The following FAP variants were observed in gnomAD, a reference collection of about 807,000 sequenced individuals.
The protein encoded by FAP is prolyl endopeptidase FAP.
FAP carries 110 observed loss-of-function variants against 126.5 expected under a neutral mutation model. The observed-to-expected ratio is 0.87, with a 90% CI of 0.74 to 1.02. FAP has a LOEUF of 1.02. Among genes scored for constraint, FAP ranks in the 50% least tolerant of loss-of-function variants. FAP has a pLI of 0.00. For synonymous variants in FAP, 334 were observed against 297.3 expected, an observed-to-expected ratio of 1.12 and a Z score of -1.27; for missense variants, 919 against 909.2, an observed-to-expected ratio of 1.01 and a Z score of -0.14.
At chr2:162,190,395 T>TACAC (rs561098256) in intron 17 of FAP, among the ~76,000 whole-genome samples, 12 of 150,296 alleles carry the variant, frequency 8.0e-5, no homozygotes, top group African/African-American at 2.2e-4. Flanking sequence ...ATATTGTGTA[T>TACAC]ACACACACAC....
chr2:162,240,424 G>A (rs78213063), intron 2 of FAP, among the ~76,000 whole-genome samples: 1,831 of 152,070 alleles, frequency 0.012, 16 homozygotes, highest in Non-Finnish European at 0.018. Flanking sequence ...TCCTTTAGAC[G>A]TGATGTGAAA....
chr2:162,181,191 C>T (rs778263295), intron 21 of FAP, among the ~76,000 whole-genome samples: 22 of 151,878 alleles, frequency 1.4e-4, no homozygotes, highest in Non-Finnish European at 2.8e-4. Flanking sequence ...GCGGGAGAAT[C>T]GCTTGAACCT....
At chr2:162,235,977 G>A (rs1690113498) in intron 2 of FAP, among the ~76,000 whole-genome samples, 1 of 152,146 alleles carries the variant, frequency 6.6e-6, no homozygotes. Context: ...TAAGGTTGGG[G>A]AATTCCTTCT....
rs768512146 is a variant in FAP at position 162,224,461 on chromosome 2, G to C, written c.360+5C>G. 1 of 1,552,754 alleles carries C rather than the reference G, an allele frequency of 6.4e-7. No individual in the cohort carries two copies. The highest frequency in any genetic ancestry group is 1.9e-5 in the Admixed American group (1 of 52,400). On this transcript the variant is annotated splice_donor_5th_base_variant and intron_variant, in intron 5 of 25. Transcript: ENST00000188790. ...TTGGATATAACCAAATTAAATAGTT[G>C]ATACCTTTGAATAATCACTTTCTAG... is the stretch of plus-strand genomic sequence containing the variant.
At chr2:162,215,702 C>T (rs895007896) in intron 10 of FAP, among the ~76,000 whole-genome samples, 196 bp downstream of exon 10, 6 of 152,138 alleles carry the variant, frequency 3.9e-5, no homozygotes, top group Non-Finnish European at 4.4e-5. Flanking sequence ...GATTGATCAC[C>T]GAGGTCACGT....
chr2:162,202,888 C>T lies in FAP; in HGVS notation c.1207G>A (p.Val403Ile), dbSNP rs970627591. The T allele has an allele frequency of 1.2e-6, 2 of 1,613,552 alleles. No individual in the cohort carries two copies. Among genetic ancestry groups the T allele is most frequent in the Non-Finnish European group, 8.5e-7 (1 of 1,179,546 alleles). The change falls in exon 14 of 26, where the codon GTA becomes ATA. Residue 403 changes from valine to isoleucine, a missense_variant. By Grantham distance (29) the Val-to-Ile change is conservative. Coordinates refer to ENST00000188790, the MANE Select transcript of FAP (RefSeq NM_004460.5). Reference sequence around the variant, plus strand: ...AATACTTACAGTGAATCCTGTGTTACTCTGAATATATTTATGGCCTCCCAC... The same window carrying T: ...AATACTTACAGTGAATCCTGTGTTATTCTGAATATATTTATGGCCTCCCAC... ...GKWEAINIFR[V>I]TQDSLFYSSN...
rs781520588 is a variant in FAP, at chr2:162,194,752, T to C, written c.1403-4A>G. The C allele has an allele frequency of 1.8e-5, 29 of 1,613,336 alleles. No individual in the cohort carries two copies. The highest frequency in any genetic ancestry group is 2.4e-5 in the Non-Finnish European group (28 of 1,179,552). On this transcript the variant is annotated splice_polypyrimidine_tract_variant and splice_region_variant and intron_variant, in intron 16 of 25. Transcript: ENST00000188790. Reference sequence around the variant, plus strand: ...GTGGAAATGGGGATGCCTGGGCCTGTGGGCAGGATGAAAACAAAATCATGG... The same window carrying C: ...GTGGAAATGGGGATGCCTGGGCCTGCGGGCAGGATGAAAACAAAATCATGG...
intron 20 of FAP, among the ~76,000 whole-genome samples, chr2:162,186,903 C>G (rs1420958084): frequency 6.6e-6 from 1 of 152,022 alleles, no homozygotes; most frequent in Non-Finnish European, 1.5e-5. Flanking sequence ...ACTATCTCCT[C>G]CAAACAAGTG....
chr2:162,220,166 A>G (rs190666375), intron 6 of FAP, among the ~76,000 whole-genome samples: 1 of 152,342 alleles, frequency 6.6e-6, no homozygotes, highest in African/African-American at 2.4e-5. Context: ...TCTGACCTTT[A>G]TAGTGAGGTG....
chr2:162,198,986 A>C, intron 15 of FAP, 105 bp from the exon 16 acceptor site: 1 of 931,352 alleles, frequency 1.1e-6, no homozygotes, highest in Non-Finnish European at 1.6e-6. Flanking sequence ...CATCAAACCC[A>C]CTCTATTTTT....
At chr2:162,222,629 A>G (rs1576186324) in intron 6 of FAP, among the ~76,000 whole-genome samples, 2 of 152,226 alleles carry the variant, frequency 1.3e-5, no homozygotes, top group African/African-American at 4.8e-5. Flanking sequence ...TATTAAGATG[A>G]GTAGCTAAGG....
chr2:162,194,740 T>A lies in FAP; in HGVS notation c.1411A>T (p.Ile471Phe). 6.2e-7 allele frequency: 1 copy of A among 1,613,644 alleles called. No homozygotes were observed. Among genetic ancestry groups the A allele is most frequent in the African/African-American group, 1.3e-5 (1 of 75,018 alleles). The change falls in exon 17 of 26, where the codon ATC (isoleucine) becomes TTC (phenylalanine). Residue 471 changes from isoleucine (I) to phenylalanine (F), a missense_variant. Ile to Phe is a conservative substitution (Grantham distance 21). Transcript: ENST00000188790. ...CCATCATGAAGGGTGGAAATGGGGA[T>A]GCCTGGGCCTGTGGGCAGGATGAAA... The part of the protein sequence containing the change: ...YYALVCYGPG[I>F]PISTLHDGRT...
At chr2:162,222,048 A>G (rs1301563261) in intron 6 of FAP, among the ~76,000 whole-genome samples, 5 of 152,180 alleles carry the variant, frequency 3.3e-5, no homozygotes, top group Non-Finnish European at 5.9e-5. Context: ...TTCACTGCAG[A>G]GAATCTAAAT....
intron 12 of FAP, among the ~76,000 whole-genome samples, chr2:162,207,978 C>G (rs1055801671): frequency 1.1e-4 from 16 of 151,808 alleles, no homozygotes; most frequent in African/African-American, 3.6e-4. Flanking sequence ...TACAGCTGGG[C>G]CAGGGGCGGT....
intron 12 of FAP, among the ~76,000 whole-genome samples, chr2:162,205,671 C>T (rs1157707196): frequency 2.0e-5 from 3 of 151,962 alleles, no homozygotes; most frequent in African/African-American, 7.3e-5. Flanking sequence ...GCACCACCAC[C>T]CCCGGCTAGT....
At chr2:162,172,623 C>T (rs1268888796) in intron 25 of FAP, 188 bp downstream of exon 25, 5 of 541,218 alleles carry the variant, frequency 9.2e-6, no homozygotes, top group East Asian at 5.7e-5. Context: ...GAGAGGTGAT[C>T]TGGTTTGCCT....
chr2:162,236,665 C>G (rs1690148385), intron 2 of FAP, among the ~76,000 whole-genome samples: 1 of 152,160 alleles, frequency 6.6e-6, no homozygotes, highest in Non-Finnish European at 1.5e-5. Context: ...GGCTGGAGTG[C>G]AATGGCACAA....
intron 22 of FAP, 25 bp from the exon 23 acceptor site, chr2:162,173,812 T>C (rs770506340): frequency 4.9e-6 from 7 of 1,440,816 alleles, no homozygotes; most frequent in Admixed American, 1.7e-5. Flanking sequence ...AGAATATGCA[T>C]TGTTTGCATG....
At position 162,242,924 on chromosome 2, in the gene FAP, G is replaced by A. The variant is rs1238391391; in HGVS notation, c.75C>T (p.Val25=). The part of the protein sequence containing the change: ...AVLALLVMCI[V]LRPSRVHNSE... ...AGTTCTTACCTCTTGAAGGGCGTAAGACAATGCACATCACCAATAAGGCAA... is the reference window on the plus strand; with the variant it reads ...AGTTCTTACCTCTTGAAGGGCGTAAAACAATGCACATCACCAATAAGGCAA... Residue 25 remains valine (V), a synonymous_variant, in exon 2 of 26, where the codon GTC becomes GTT. Coordinates refer to ENST00000188790, the MANE Select transcript of FAP (RefSeq NM_004460.5). 6.2e-7 allele frequency: 1 copy of A among 1,612,982 alleles called. No homozygotes were observed. Among genetic ancestry groups the A allele is most frequent in the East Asian group, 2.2e-5 (1 of 44,858 alleles).
Sources: allele counts gnomAD v4.1 joint callset (sites outside exome capture counted in the v4.1 genomes callset), GRCh38; gene constraint gnomAD v4.1.1; transcripts MANE v1.5; gene names NCBI Gene and HGNC (gene_info 2026-07-23, HGNC 2026-07-21).